The following NLGN1 variants were observed in gnomAD, a reference collection of about 807,000 sequenced individuals.
NLGN1 encodes neuroligin 1.
In NLGN1, 12 loss-of-function variants were observed where a neutral mutation model predicts 65.5. That is an observed-to-expected ratio of 0.18 (90% CI 0.12 to 0.30). The LOEUF is 0.30. Ranked by LOEUF, NLGN1 falls within the 10% of genes least tolerant of loss-of-function variation. The pLI is 1.00. For synonymous variants in NLGN1, 350 were observed against 359.5 expected (o/e 0.97, Z 0.30); for missense variants, 750 against 1,007.1 (o/e 0.74, Z 3.46).
chr3:173,405,461 AGATAT>A (rs1180382590), intron 1 of NLGN1, among the ~76,000 whole-genome samples: 3 of 152,066 alleles, frequency 2.0e-5, no homozygotes, highest in Non-Finnish European at 4.4e-5. Context: ...CCTTGATTTC[AGATAT>A]GTTAAAGGTG....
chr3:173,543,182 G>A (rs1346893321), intron 2 of NLGN1, among the ~76,000 whole-genome samples: 3 of 152,050 alleles, frequency 2.0e-5, no homozygotes, highest in East Asian at 1.9e-4. Flanking sequence ...CTATGTTTTT[G>A]AACCAGAAAT....
At chr3:173,900,567 T>A (rs1409894104) in intron 4 of NLGN1, among the ~76,000 whole-genome samples, 1 of 152,090 alleles carries the variant, frequency 6.6e-6, no homozygotes, top group Non-Finnish European at 1.5e-5. Context: ...TCTCCATCTC[T>A]GTTCTTTTTA....
chr3:173,649,243 A>G (rs1270563149), intron 3 of NLGN1, among the ~76,000 whole-genome samples: 1 of 152,090 alleles, frequency 6.6e-6, no homozygotes, highest in Admixed American at 6.6e-5. Flanking sequence ...ACACTGGGGA[A>G]GAGAGAGAGG....
chr3:174,240,996 G>A (rs1158436646), intron 4 of NLGN1, among the ~76,000 whole-genome samples: 1 of 151,986 alleles, frequency 6.6e-6, no homozygotes, highest in Non-Finnish European at 1.5e-5. Context: ...CCATTGAGAT[G>A]GCCTCTTGTA....
intron 4 of NLGN1, among the ~76,000 whole-genome samples, chr3:173,838,632 TA>T (rs371759388): frequency 2.1e-4 from 31 of 150,278 alleles, no homozygotes; most frequent in African/African-American, 5.6e-4. Flanking sequence ...AGAGAGACTT[TA>T]AAAAAAAAAT....
intron 4 of NLGN1, among the ~76,000 whole-genome samples, chr3:174,022,737 T>C (rs537402705): frequency 1.3e-5 from 2 of 152,216 alleles, no homozygotes; most frequent in South Asian, 4.1e-4. Context: ...TTTCGTTTGA[T>C]GCAGGGGGTA....
chr3:173,965,468 C>T (rs866655884), intron 4 of NLGN1, among the ~76,000 whole-genome samples: 67 of 150,834 alleles, frequency 4.4e-4, no homozygotes, highest in Non-Finnish European at 8.4e-4. Flanking sequence ...CAGGCGTGTG[C>T]CACCAGGCCC....
chr3:173,800,409 C>T, intron 3 of NLGN1: 1 of 576,138 alleles, frequency 1.7e-6, no homozygotes. Flanking sequence ...CTTTTTCCAC[C>T]CCTTTCTATT....
chr3:173,857,301 C>A (rs1449425352), intron 4 of NLGN1, among the ~76,000 whole-genome samples: 1 of 152,080 alleles, frequency 6.6e-6, no homozygotes, highest in Non-Finnish European at 1.5e-5. Context: ...GACTTGCACA[C>A]CACTTGTGTT....
chr3:173,431,209 C>A (rs1717099289), intron 1 of NLGN1, among the ~76,000 whole-genome samples: 1 of 152,170 alleles, frequency 6.6e-6, no homozygotes, highest in Non-Finnish European at 1.5e-5. Context: ...ACTTTCTTGA[C>A]TTCTGGCCCA....
intron 4 of NLGN1, among the ~76,000 whole-genome samples, chr3:174,096,191 AATAC>A (rs149480742): frequency 2.1e-3 from 315 of 150,056 alleles, no homozygotes; most frequent in African/African-American, 7.1e-3. Flanking sequence ...TAGAATATAT[AATAC>A]ATATGTAATA....
At chr3:173,604,956 A>G (rs1466153555) in exon 3 of NLGN1, 2 of 1,613,686 alleles carry the variant, frequency 1.2e-6, no homozygotes, top group Non-Finnish European at 1.7e-6. Context: ...GTGTCCCCAG[A>G]ATATCATTGA....
chr3:173,708,979 T>C (rs1286191996), intron 3 of NLGN1, among the ~76,000 whole-genome samples: 1 of 152,180 alleles, frequency 6.6e-6, no homozygotes, highest in Non-Finnish European at 1.5e-5. Context: ...GTGGTATTAT[T>C]TCCTTCTTGA....
At position 173,487,084 on chromosome 3, in the gene NLGN1, G is replaced by A. The variant is rs1024387508; in HGVS notation, c.-321+52006G>A. Among the ~76,000 whole-genome samples, 96 of 149,018 alleles carry A rather than the reference G, an allele frequency of 6.4e-4. 1 individual carries two copies. The highest frequency in any genetic ancestry group is 2.2e-3 in the African/African-American group (91 of 40,624). ...ATTAATATTATATTTAAAAATCTTA[G>A]CATCTTAAGTTTCAAGTTTAGTTCA... On this transcript the variant is annotated intron_variant, in intron 2 of 6. Coordinates refer to ENST00000457714, the Ensembl canonical transcript of NLGN1.
chr3:173,675,534 T>A (rs942727815), intron 3 of NLGN1, among the ~76,000 whole-genome samples: 2 of 152,128 alleles, frequency 1.3e-5, no homozygotes, highest in Non-Finnish European at 2.9e-5. Context: ...GAAAAAGTGC[T>A]TGCTAATAGG....
intron 4 of NLGN1, among the ~76,000 whole-genome samples, chr3:173,989,644 A>C (rs976296755): frequency 1.3e-5 from 2 of 152,206 alleles, no homozygotes; most frequent in African/African-American, 2.4e-5. Context: ...TCTTATTCAC[A>C]GTGGCTTAAA....
intron 4 of NLGN1, among the ~76,000 whole-genome samples, chr3:174,246,190 A>T (rs1355110245): frequency 6.6e-6 from 1 of 152,224 alleles, no homozygotes; most frequent in Non-Finnish European, 1.5e-5. Flanking sequence ...ACTTAAAAGA[A>T]ATTTAGAAAT....
chr3:174,046,590 G>A (rs1733651361), intron 4 of NLGN1, among the ~76,000 whole-genome samples: 1 of 152,024 alleles, frequency 6.6e-6, no homozygotes, highest in Non-Finnish European at 1.5e-5. Context: ...ATGCTTTACT[G>A]TGCTTAGAAG....
intron 2 of NLGN1, among the ~76,000 whole-genome samples, chr3:173,529,474 A>G (rs560619204): frequency 1.3e-3 from 193 of 152,254 alleles, no homozygotes; most frequent in African/African-American, 4.3e-3. Flanking sequence ...AGGGGGTGAC[A>G]GTGGGGGCTC....
Sources: allele counts gnomAD v4.1 joint callset (sites outside exome capture counted in the v4.1 genomes callset), GRCh38; gene constraint gnomAD v4.1.1; transcripts MANE v1.5; gene names NCBI Gene and HGNC (gene_info 2026-07-23, HGNC 2026-07-21).